The following HMG20A variants were observed in gnomAD, a reference collection of about 807,000 sequenced individuals.
The protein encoded by HMG20A is high mobility group 20A.
HMG20A carries 17 observed loss-of-function variants against 43.9 expected under a neutral mutation model. That is an observed-to-expected ratio of 0.39 (90% CI 0.27 to 0.58). The LOEUF is 0.58. HMG20A is among the 20% of genes least tolerant of loss of function. The probability of loss-of-function intolerance (pLI) is 0.59; values close to 1 mark genes in which losing one functional copy is unlikely to be tolerated. For synonymous variants in HMG20A, 132 were observed against 147.5 expected, an observed-to-expected ratio of 0.89 and a Z score of 0.76; for missense variants, 341 against 438.2, an observed-to-expected ratio of 0.78 and a Z score of 1.98.
intron 1 of HMG20A, among the ~76,000 whole-genome samples, chr15:77,440,878 C>T (rs2073604868): frequency 6.6e-6 from 1 of 152,036 alleles, no homozygotes; most frequent in Non-Finnish European, 1.5e-5. Flanking sequence ...GTTACTTAAC[C>T]CCTCTGTGGA....
chr15:77,500,309 C>T, the HMG20A span, among the ~76,000 whole-genome samples: 92 of 152,176 alleles, frequency 6.0e-4, no homozygotes, highest in Non-Finnish European at 6.3e-4. Flanking sequence ...AATTTGAACT[C>T]AGGTCTGCTT....
At chr15:77,493,341 G>T in the HMG20A span, among the ~76,000 whole-genome samples, 1 of 152,070 alleles carries the variant, frequency 6.6e-6, no homozygotes, top group South Asian at 2.1e-4. Flanking sequence ...GTCAGGAAAA[G>T]AGCACAAAAA....
chr15:77,436,791 C>T (rs1202785646), intron 1 of HMG20A, among the ~76,000 whole-genome samples: 1 of 152,160 alleles, frequency 6.6e-6, no homozygotes, highest in African/African-American at 2.4e-5. Context: ...ATTCTTTACA[C>T]AGAAGTCAGA....
At chr15:77,489,095 G>C (rs1027387652), downstream of HMG20A, among the ~76,000 whole-genome samples, 13 of 152,150 alleles carry the variant, frequency 8.5e-5, no homozygotes, top group Non-Finnish European at 1.3e-4. Context: ...TTTTTATGTA[G>C]ATTAGTCAAT....
intron 2 of HMG20A, among the ~76,000 whole-genome samples, chr15:77,460,762 G>A (rs2072697603): frequency 6.6e-6 from 1 of 152,120 alleles, no homozygotes. Flanking sequence ...GAGGTGGGTG[G>A]ATCACTTGAG....
chr15:77,487,458 T>C (rs79581696), downstream of HMG20A, among the ~76,000 whole-genome samples: 3,065 of 152,328 alleles, frequency 0.02, 104 homozygotes, highest in African/African-American at 0.068. Context: ...ACTTCCGTGA[T>C]ACTTTTTTCC....
At chr15:77,478,733 T>C (rs537922198) in intron 8 of HMG20A, among the ~76,000 whole-genome samples, 2 of 152,382 alleles carry the variant, frequency 1.3e-5, no homozygotes, top group South Asian at 4.1e-4. Context: ...TCCATTTATA[T>C]TTTAATATCT....
downstream of HMG20A, among the ~76,000 whole-genome samples, chr15:77,489,918 T>C (rs985822319): frequency 1.3e-5 from 2 of 152,022 alleles, no homozygotes; most frequent in African/African-American, 4.8e-5. Flanking sequence ...TTGCAGTTTG[T>C]CATAAGTGTA....
chr15:77,465,260 CAAAAAAAAAA>C (rs71145837), intron 3 of HMG20A, among the ~76,000 whole-genome samples: 6 of 59,188 alleles, frequency 1.0e-4, no homozygotes, highest in Non-Finnish European at 1.3e-4. Context: ...GACTTCGTCT[CAAAAAAAAAA>C]AAAAAAAAAA....
At chr15:77,432,599 G>A (rs1459078061) in intron 1 of HMG20A, among the ~76,000 whole-genome samples, 1 of 151,672 alleles carries the variant, frequency 6.6e-6, no homozygotes, top group African/African-American at 2.4e-5. Context: ...GCAGGTGCCT[G>A]TAATCCCAGC....
rs766037536 is a variant in HMG20A, at chr15:77,479,214, T to C, written c.943T>C (p.Ser315Pro). The change falls in exon 9 of 10, where the codon TCA (serine) becomes CCA (proline). Residue 315 changes from serine to proline, a missense_variant. This residue lies in a region of HMG20A where 118 missense variants were observed against 154.5 expected (regional missense o/e 0.76). Transcript: ENST00000336216. Reference sequence around the variant, plus strand: ...GACACCTACAGTGGACACCATTGACTCATATATGAACAGACTGCACAGTAT... The same window carrying C: ...GACACCTACAGTGGACACCATTGACCCATATATGAACAGACTGCACAGTAT... ...GETPTVDTID[S>P]YMNRLHSIIL... The C allele has an allele frequency of 6.2e-7, 1 of 1,613,782 alleles. No individual in the cohort carries two copies. Among genetic ancestry groups the C allele is most frequent in the South Asian group, 1.1e-5 (1 of 91,076 alleles).
chr15:77,422,299 CA>C (rs1268259800), intron 1 of HMG20A, among the ~76,000 whole-genome samples: 1 of 152,180 alleles, frequency 6.6e-6, no homozygotes, highest in African/African-American at 2.4e-5. Context: ...AATCTAGCCT[CA>C]GACTCTGCGA....
At chr15:77,480,660 A>G (rs1404734356) in intron 9 of HMG20A, among the ~76,000 whole-genome samples, 3 of 151,536 alleles carry the variant, frequency 2.0e-5, no homozygotes, top group African/African-American at 2.4e-5. Context: ...ATAAGCAAAA[A>G]AGAGAGAGAA....
At chr15:77,501,383 AGTT>A in the HMG20A span, among the ~76,000 whole-genome samples, 1 of 152,180 alleles carries the variant, frequency 6.6e-6, no homozygotes, top group Non-Finnish European at 1.5e-5. Flanking sequence ...AGCCTCCAAA[AGTT>A]GCAGCAGCAC....
chr15:77,515,087 A>G, the HMG20A span, among the ~76,000 whole-genome samples: 2 of 152,180 alleles, frequency 1.3e-5, no homozygotes, highest in Admixed American at 1.3e-4. Flanking sequence ...TGGCTTGGTC[A>G]TGGTTGGGTT....
chr15:77,477,676 G>A (rs751771682), intron 7 of HMG20A, 46 bp downstream of exon 7: 1 of 1,302,488 alleles, frequency 7.7e-7, no homozygotes, highest in Non-Finnish European at 1.1e-6. Context: ...TTTTGACAGG[G>A]GACTTAGTTC....
At chr15:77,471,345 A>G (rs1403542779) in intron 5 of HMG20A, among the ~76,000 whole-genome samples, 1 of 152,010 alleles carries the variant, frequency 6.6e-6, no homozygotes, top group Non-Finnish European at 1.5e-5. Context: ...AAGCAAGCCT[A>G]TCTACAAAAT....
At chr15:77,438,402 T>C (rs1755836593) in intron 1 of HMG20A, among the ~76,000 whole-genome samples, 1 of 152,160 alleles carries the variant, frequency 6.6e-6, no homozygotes, top group Non-Finnish European at 1.5e-5. Context: ...GTCACATAAA[T>C]ATGCCATAAT....
In HMG20A at chr15:77,465,764, G is replaced by A. The variant is rs1394762641; in HGVS notation, c.238-1331G>A. Among the ~76,000 whole-genome samples the A allele has an allele frequency of 1.3e-5, 2 of 152,134 alleles. 1 individual carries two copies. Among genetic ancestry groups the A allele is most frequent in the Admixed American group, 1.3e-4 (2 of 15,278 alleles). ...TACCAAATACATAATTTGCCCAGTG[G>A]TGAATTATACCATTTTATATATATT... On this transcript the variant is annotated intron_variant, in intron 3 of 9. Transcript: ENST00000336216.
Sources: allele counts gnomAD v4.1 joint callset (sites outside exome capture counted in the v4.1 genomes callset), GRCh38; gene constraint gnomAD v4.1.1; regional missense constraint gnomAD v4.1.1; transcripts MANE v1.5; gene names NCBI Gene and HGNC (gene_info 2026-07-23, HGNC 2026-07-21).